The following FBN1 variants were observed in gnomAD, a reference collection of about 807,000 sequenced individuals.
FBN1 encodes the protein fibrillin-1.
FBN1 carries 29 observed loss-of-function variants against 365.1 expected under a neutral mutation model. The observed-to-expected ratio is 0.08, with a 90% CI of 0.06 to 0.11. The LOEUF is 0.11. Ranked by LOEUF, FBN1 falls within the 10% of genes least tolerant of loss-of-function variation. The pLI, the probability that FBN1 is intolerant of heterozygous loss-of-function variation, is 1.00. For synonymous variants in FBN1, 1,210 were observed against 1,270.5 expected, an observed-to-expected ratio of 0.95 and a Z score of 1.01; for missense variants, 2,476 against 3,703.2, an observed-to-expected ratio of 0.67 and a Z score of 8.60.
intron 65 of FBN1, 150 bp downstream of exon 65, chr15:48,412,419 T>C (rs2042870754): frequency 1.2e-6 from 1 of 846,386 alleles, no homozygotes; most frequent in African/African-American, 1.7e-5. Flanking sequence ...CCACAGCCTC[T>C]TGTAAAATAC....
chr15:48,457,296 G>A (rs2043248135), intron 43 of FBN1, among the ~76,000 whole-genome samples: 1 of 152,186 alleles, frequency 6.6e-6, no homozygotes, highest in African/African-American at 2.4e-5. Flanking sequence ...ATAAAAACGA[G>A]GTCAGCACCA....
chr15:48,470,543 G>A, intron 36 of FBN1, 91 bp downstream of exon 36: 6 of 1,565,982 alleles, frequency 3.8e-6, no homozygotes, highest in Non-Finnish European at 8.8e-7. Context: ...CTTGTCTTCT[G>A]TGACGGCCCT....
intron 6 of FBN1, among the ~76,000 whole-genome samples, chr15:48,595,276 G>A (rs976817643): frequency 2.0e-5 from 3 of 152,158 alleles, no homozygotes; most frequent in African/African-American, 7.2e-5. Context: ...TGTTTTAAAT[G>A]ACATATTCAA....
intron 6 of FBN1, among the ~76,000 whole-genome samples, chr15:48,567,705 A>G (rs2044267608): frequency 6.6e-6 from 1 of 152,180 alleles, no homozygotes; most frequent in South Asian, 2.1e-4. Flanking sequence ...AATAACAGAC[A>G]AAAACCACAT....
At position 48,411,350 on chromosome 15, in the gene FBN1, A is replaced by C; in HGVS notation, c.8256T>G (p.Ser2752Arg). The stretch of plus-strand genomic sequence containing the variant: ...TCTTCTCAACATCCCAACTTGCAAG[A>C]CTCACATTGGCTTCTGTCTCAGACT... ...EDQSETEANV[S>R]LASWDVEKTA... is the part of the protein sequence containing the mutation. The change falls in exon 66 of 66, where the codon AGT becomes AGG. Residue 2752 changes from serine to arginine, a missense_variant. Ser to Arg is a moderately radical substitution (Grantham distance 110, BLOSUM62 -1). Around this residue, in one of 5 missense-constraint regions of FBN1, gnomAD observed 177 missense variants for 192.7 expected, o/e 0.92. Transcript: ENST00000316623. 6.2e-7 allele frequency: 1 copy of C among 1,614,004 alleles called. No individual in the cohort carries two copies. Among genetic ancestry groups the C allele is most frequent in the Non-Finnish European group, 8.5e-7 (1 of 1,179,974 alleles).
At chr15:48,529,839 T>C (rs1421289695) in intron 8 of FBN1, 2 of 154,622 alleles carry the variant, frequency 1.3e-5, no homozygotes, top group East Asian at 3.9e-4. Context: ...ACGCCAGCTT[T>C]TATCCATGCT....
intron 2 of FBN1, among the ~76,000 whole-genome samples, chr15:48,616,067 G>A (rs1469714149): frequency 1.3e-5 from 2 of 152,116 alleles, no homozygotes; most frequent in South Asian, 4.1e-4. Flanking sequence ...AAGTATGAAC[G>A]TCTTATCTTT....
chr15:48,421,436 T>G, intron 62 of FBN1, 122 bp downstream of exon 62: 2 of 1,204,878 alleles, frequency 1.7e-6, no homozygotes, highest in Middle Eastern at 2.7e-4. Context: ...CTATTTTAGC[T>G]GAGTGCCCCC....
intron 2 of FBN1, chr15:48,641,982 G>A (rs978875747): frequency 1.3e-5 from 2 of 152,196 alleles, no homozygotes; most frequent in Non-Finnish European, 2.9e-5. Flanking sequence ...ATAAACACGT[G>A]TATGTAAACA....
chr15:48,628,757 T>C (rs1889932284), intron 2 of FBN1, among the ~76,000 whole-genome samples: 1 of 152,156 alleles, frequency 6.6e-6, no homozygotes. Flanking sequence ...AGTAAGTCAA[T>C]AGGAAATGAC....
chr15:48,445,269 A>G (rs1163396405), intron 48 of FBN1, 107 bp downstream of exon 48: 2 of 1,229,960 alleles, frequency 1.6e-6, no homozygotes, highest in Admixed American at 3.4e-5. Flanking sequence ...TTCTACTCTG[A>G]CTTTTCCTCC....
intron 6 of FBN1, among the ~76,000 whole-genome samples, chr15:48,574,891 C>A (rs989839770): frequency 3.3e-5 from 5 of 152,036 alleles, no homozygotes; most frequent in African/African-American, 1.2e-4. Flanking sequence ...TTTAAAAGAA[C>A]AAATATTGAT....
chr15:48,460,912 G>C (rs990551195), intron 42 of FBN1, among the ~76,000 whole-genome samples: 2 of 151,926 alleles, frequency 1.3e-5, no homozygotes, highest in African/African-American at 4.8e-5. Context: ...ACTTGAATTA[G>C]TCAAATTTAA....
chr15:48,419,579 C>T (rs1307854891), intron 63 of FBN1, among the ~76,000 whole-genome samples: 1 of 152,088 alleles, frequency 6.6e-6, no homozygotes, highest in Non-Finnish European at 1.5e-5. Flanking sequence ...CTCACGCAGT[C>T]GAAACTCCTA....
chr15:48,631,628 G>A (rs75589930), intron 2 of FBN1, among the ~76,000 whole-genome samples: 22 of 152,170 alleles, frequency 1.4e-4, no homozygotes, highest in African/African-American at 5.1e-4. Flanking sequence ...AGTGAAGGGC[G>A]TGTGACTGGG....
At chr15:48,615,981 T>A (rs115517313) in intron 2 of FBN1, among the ~76,000 whole-genome samples, 1 of 152,218 alleles carries the variant, frequency 6.6e-6, no homozygotes, top group African/African-American at 2.4e-5. Flanking sequence ...CTAATATTCA[T>A]CCACAACTGT....
intron 45 of FBN1, among the ~76,000 whole-genome samples, chr15:48,450,342 G>A (rs1219502747): frequency 6.6e-6 from 1 of 152,074 alleles, no homozygotes; most frequent in Admixed American, 6.6e-5. Flanking sequence ...TCCCCAATTA[G>A]GAATTTCCTT....
Position 48,516,238 on chromosome 15 carries a change from T to A in FBN1, c.1272A>T (p.Gln424His). 6.2e-7 allele frequency: 1 copy of A among 1,613,454 alleles called. No individual in the cohort carries two copies. The highest frequency in any genetic ancestry group is 1.1e-5 in the South Asian group (1 of 91,004). ...PVPPGFPPGP[Q>H]IPVPRPPVEY... ...CCACTGGTGGTCGAGGGACCGGAAT[T>A]TGAGGTCCAGGAGGAAAGCCAGGAG... The change falls in exon 11 of 66, where the codon CAA becomes CAT. Residue 424 changes from glutamine (Q) to histidine (H), a missense_variant. By Grantham distance (24) the Gln-to-His change is conservative. Transcript: ENST00000316623.
chr15:48,489,845 T>C lies in FBN1; in HGVS notation c.3082+6A>G, dbSNP rs79321504. The C allele has an allele frequency of 2.3e-3, 3,751 of 1,613,018 alleles. 83 individuals are homozygous for C. In the African/African-American group the frequency reaches 0.046, roughly 20 times the overall value. Reference sequence around the variant, plus strand: ...GCAATTGGCCATGGAAAACGTAACATTGTACCTTTGAAGAAAGGCTTTCCA... The same window carrying C: ...GCAATTGGCCATGGAAAACGTAACACTGTACCTTTGAAGAAAGGCTTTCCA... On this transcript the variant is annotated splice_donor_region_variant and intron_variant, in intron 25 of 65. Transcript: ENST00000316623.
Sources: allele counts gnomAD v4.1 joint callset (sites outside exome capture counted in the v4.1 genomes callset), GRCh38; gene constraint gnomAD v4.1.1; regional missense constraint gnomAD v4.1.1; transcripts MANE v1.5; gene names NCBI Gene and HGNC (gene_info 2026-07-23, HGNC 2026-07-21).